POC1B: variants seen among roughly 807,000 people sequenced by gnomAD.
POC1B encodes POC1 centriolar protein homolog B.
In POC1B, 44 loss-of-function variants were observed where a neutral mutation model predicts 60.6. The observed-to-expected ratio is 0.73, with a 90% CI of 0.57 to 0.93. The LOEUF (loss-of-function observed/expected upper bound fraction) is 0.93, where lower values mean the gene tolerates loss of function less well. POC1B is among the 40% of genes least tolerant of loss of function. The pLI is 0.00. For missense variants in POC1B, 555 were observed against 572.3 expected (o/e 0.97, Z 0.31); for synonymous variants, 180 against 198.9 (o/e 0.90, Z 0.80).
downstream of POC1B, among the ~76,000 whole-genome samples, chr12:89,416,822 C>T (rs1024454260): frequency 2.6e-5 from 4 of 152,186 alleles, no homozygotes; most frequent in Non-Finnish European, 4.4e-5. Context: ...CAAAACAGCT[C>T]AGCAGCTGGA....
intron 10 of POC1B, chr12:89,426,329 C>T (rs1880763390): frequency 6.6e-6 from 1 of 152,116 alleles, no homozygotes; most frequent in Admixed American, 6.5e-5. Context: ...GGTTATAAAA[C>T]ACTGAATACT....
At chr12:89,471,472 G>T (rs1882890270) in intron 6 of POC1B, 142 bp downstream of exon 6, 3 of 578,202 alleles carry the variant, frequency 5.2e-6, no homozygotes, top group South Asian at 4.7e-5. Context: ...CTGTTGATGG[G>T]AGCTAATTAT....
intron 2 of POC1B, chr12:89,500,308 G>A (rs1869488668): frequency 2.6e-6 from 4 of 1,533,160 alleles, no homozygotes; most frequent in Non-Finnish European, 3.6e-6. Context: ...CTTGTATTCA[G>A]TCACCAAGCA....
intron 2 of POC1B, among the ~76,000 whole-genome samples, chr12:89,504,490 C>T (rs1869797308): frequency 6.6e-6 from 1 of 152,066 alleles, no homozygotes; most frequent in South Asian, 2.1e-4. Context: ...GGTCCTCTGC[C>T]TAGGAAAACC....
At chr12:89,518,380 T>C (rs1418840892) in intron 2 of POC1B, among the ~76,000 whole-genome samples, 2 of 152,214 alleles carry the variant, frequency 1.3e-5, no homozygotes, top group African/African-American at 2.4e-5. Flanking sequence ...GTATTATTAA[T>C]ACTAAATACT....
chr12:89,515,074 A>C (rs1870383158), intron 2 of POC1B, among the ~76,000 whole-genome samples: 2 of 152,208 alleles, frequency 1.3e-5, no homozygotes, highest in Admixed American at 6.5e-5. Flanking sequence ...TTCAAGCAGC[A>C]ATCATTTTCT....
Position 89,503,880 on chromosome 12 carries a change from T to C in POC1B, c.101-6538A>G, listed in dbSNP as rs1295822139. Among the ~76,000 whole-genome samples, 103 of 129,142 alleles carry C rather than the reference T, an allele frequency of 8.0e-4. 6 individuals carry two copies. Among genetic ancestry groups the C allele is most frequent in the African/African-American group, 2.6e-3 (86 of 33,296 alleles). The allele number at this position is 129,142 out of a possible 152,430, so 84.7% of individuals were successfully genotyped here. On this transcript the variant is annotated intron_variant, in intron 2 of 11. Coordinates refer to ENST00000313546, the MANE Select transcript of POC1B (RefSeq NM_172240.3). ...CTGAGAAGTGAGGAGCCCCTCCGCC[T>C]GGCAGCCGCCCTGTCTGAGAAGTGA...
chr12:89,525,856 C>T (rs2135786637), intron 1 of POC1B, 25 bp downstream of exon 1: 2 of 1,366,392 alleles, frequency 1.5e-6, no homozygotes, highest in Non-Finnish European at 9.5e-7. Flanking sequence ...GGGAGGGACC[C>T]CCCCCACCTC....
intron 10 of POC1B, among the ~76,000 whole-genome samples, chr12:89,433,712 T>C (rs1010564298): frequency 2.6e-5 from 4 of 152,182 alleles, no homozygotes; most frequent in South Asian, 2.1e-4. Flanking sequence ...TGGGAGGCTT[T>C]ACACTAAGTT....
chr12:89,521,581 G>A (rs1450541700), intron 2 of POC1B: 2 of 159,334 alleles, frequency 1.3e-5, no homozygotes, highest in East Asian at 3.6e-4. Flanking sequence ...TTTCAGAGCT[G>A]GAAGGGATCT....
chr12:89,466,976 A>G, intron 8 of POC1B, 54 bp from the exon 9 acceptor site: 2 of 1,508,152 alleles, frequency 1.3e-6, no homozygotes, highest in East Asian at 2.3e-5. Context: ...TACAAGCAAT[A>G]GAGCTGATTT....
At chr12:89,438,900 C>T (rs577199626) in intron 10 of POC1B, among the ~76,000 whole-genome samples, 1 of 152,298 alleles carries the variant, frequency 6.6e-6, no homozygotes, top group South Asian at 2.1e-4. Context: ...TTCAAAGGAA[C>T]GTCAAACTCG....
chr12:89,524,722 G>A, intron 2 of POC1B: 1 of 690,706 alleles, frequency 1.4e-6, no homozygotes, highest in South Asian at 1.9e-5. Context: ...AGCCCTCTCG[G>A]TCCTCGGCCT....
intron 10 of POC1B, among the ~76,000 whole-genome samples, chr12:89,434,207 C>A (rs1301937774): frequency 6.6e-6 from 1 of 152,164 alleles, no homozygotes; most frequent in Non-Finnish European, 1.5e-5. Flanking sequence ...AAAGAAAGAA[C>A]CTTCAGCTTT....
At chr12:89,453,463 C>T (rs1882134998) in intron 10 of POC1B, among the ~76,000 whole-genome samples, 2 of 152,144 alleles carry the variant, frequency 1.3e-5, no homozygotes, top group Admixed American at 6.5e-5. Flanking sequence ...GAGAAACATA[C>T]CGCAGAGCCA....
intron 3 of POC1B, 83 bp downstream of exon 3, chr12:89,497,088 C>A (rs1869287465): frequency 1.5e-6 from 2 of 1,370,050 alleles, no homozygotes; most frequent in South Asian, 2.7e-5. Flanking sequence ...GTGCAGGCAG[C>A]AGTGCATGAG....
At chr12:89,428,457 C>T (rs924145897) in intron 10 of POC1B, 8 of 152,266 alleles carry the variant, frequency 5.3e-5, no homozygotes, top group Non-Finnish European at 1.2e-4. Flanking sequence ...CTGTCTCCCT[C>T]ACTAGACTAC....
chr12:89,467,236 G>A (rs933742680), intron 8 of POC1B, among the ~76,000 whole-genome samples: 1 of 151,796 alleles, frequency 6.6e-6, no homozygotes, highest in Non-Finnish European at 1.5e-5. Flanking sequence ...CAATAAATCT[G>A]GCCATGAATG....
In POC1B at chr12:89,500,126, G is replaced by C; in HGVS notation, c.101-2784C>G. The C allele has an allele frequency of 2.7e-6, 4 of 1,508,330 alleles. No individual in the cohort carries two copies. The South Asian group carries it at 4.7e-5, about 18-fold the overall frequency. 93.4% of individuals were successfully genotyped at this position (1,508,330 alleles called of 1,614,324 possible). On this transcript the variant is annotated intron_variant, in intron 2 of 11. Transcript: ENST00000313546. ...GTCGGGTCTGGATCATCTCAAAAATGGCTACAGAAGAAGATTTTGTCAACC... is the reference window on the plus strand; with the variant it reads ...GTCGGGTCTGGATCATCTCAAAAATCGCTACAGAAGAAGATTTTGTCAACC...
Sources: gnomAD v4.1 joint callset for allele counts (sites outside exome capture counted in the v4.1 genomes callset) on GRCh38, gnomAD v4.1.1 for gene constraint, MANE v1.5 for transcripts, NCBI Gene and HGNC (gene_info 2026-07-23, HGNC 2026-07-21) for gene names.